Variants in ALPL observed in about 807,000 individuals in gnomAD.
ALPL encodes alkaline phosphatase, biomineralization associated.
ALPL carries 42 observed loss-of-function variants against 51.3 expected under a neutral mutation model. The ratio of observed to expected loss-of-function variants is 0.82; its 90% CI spans 0.64 to 1.06. The LOEUF (loss-of-function observed/expected upper bound fraction) is 1.06, where lower values mean the gene tolerates loss of function less well. ALPL is among the 50% of genes least tolerant of loss of function. The pLI, the probability that ALPL is intolerant of heterozygous loss-of-function variation, is 0.00. For missense variants in ALPL, 589 were observed against 709.4 expected, an observed-to-expected ratio of 0.83 and a Z score of 1.93; for synonymous variants, 279 against 296.4, an observed-to-expected ratio of 0.94 and a Z score of 0.60.
intron 2 of ALPL, among the ~76,000 whole-genome samples, chr1:21,558,380 C>G (rs1170857973): frequency 6.6e-6 from 1 of 151,250 alleles, no homozygotes; most frequent in Non-Finnish European, 1.5e-5. Flanking sequence ...ACCCAACTGG[C>G]CAAAGAGGCT....
intron 1 of ALPL, among the ~76,000 whole-genome samples, chr1:21,542,908 T>G (rs1430626341): frequency 1.3e-5 from 2 of 152,084 alleles, no homozygotes; most frequent in Non-Finnish European, 2.9e-5. Flanking sequence ...TCCAAGCATT[T>G]TGGGAGGCTG....
chr1:21,521,030 T>C (rs1643878167), intron 1 of ALPL, among the ~76,000 whole-genome samples: 1 of 152,170 alleles, frequency 6.6e-6, no homozygotes, highest in African/African-American at 2.4e-5. Flanking sequence ...TCATGGCTGT[T>C]TTTCTAGAGC....
chr1:21,573,535 C>T (rs1570297806), intron 8 of ALPL, 130 bp from the exon 9 acceptor site: 3 of 1,154,990 alleles, frequency 2.6e-6, no homozygotes, highest in East Asian at 5.2e-5. Context: ...AAGGATCCTC[C>T]CAGCCACCAT....
chr1:21,548,264 G>C (rs955262147), intron 1 of ALPL, among the ~76,000 whole-genome samples: 3 of 152,232 alleles, frequency 2.0e-5, no homozygotes, highest in African/African-American at 4.8e-5. Context: ...GCCTCTGCGA[G>C]GGGGAGGGGT....
chr1:21,565,363 C>G (rs774091425), intron 6 of ALPL, among the ~76,000 whole-genome samples: 1 of 152,180 alleles, frequency 6.6e-6, no homozygotes, highest in Non-Finnish European at 1.5e-5. Flanking sequence ...GGGGCGAGTT[C>G]CTTCCCCTCC....
rs371658562 is a variant in ALPL, at chr1:21,576,218, T to TGATGGATGGATG, written c.1190-279_1190-268dup. ...GATGGCTGGCTGGATGATGGATGGATGATGGATGGATGGATGGATGGATGG... is the reference window on the plus strand; with the variant it reads ...GATGGCTGGCTGGATGATGGATGGATGATGGATGGATGGATGGATGGATGGATGGATGGATGG... On this transcript the variant is annotated intron_variant, in intron 10 of 11. Coordinates refer to ENST00000374840, the MANE Select transcript of ALPL (RefSeq NM_000478.6). Among the ~76,000 whole-genome samples the TGATGGATGGATG allele has an allele frequency of 0.035, 4,952 of 141,752 alleles. 153 individuals carry two copies. The highest frequency in any genetic ancestry group is 0.043 in the Non-Finnish European group (2,769 of 63,710). The allele number at this position is 141,752 out of a possible 152,430, so 93.0% of individuals were successfully genotyped here.
At chr1:21,554,235 C>T in intron 2 of ALPL, 93 bp downstream of exon 2, 1 of 1,318,120 alleles carries the variant, frequency 7.6e-7, no homozygotes, top group Non-Finnish European at 1.1e-6. Flanking sequence ...CAGAACCATC[C>T]AAAGTATTTA....
intron 1 of ALPL, among the ~76,000 whole-genome samples, chr1:21,526,057 T>C (rs1045243535): frequency 6.6e-6 from 1 of 152,062 alleles, no homozygotes; most frequent in Non-Finnish European, 1.5e-5. Context: ...GAGCCCTAGG[T>C]GGTAGAGGAT....
intron 1 of ALPL, among the ~76,000 whole-genome samples, chr1:21,531,042 C>G (rs1644023240): frequency 6.7e-6 from 1 of 149,598 alleles, no homozygotes; most frequent in South Asian, 2.1e-4. Context: ...CAACCTCTGT[C>G]TCTCAGGTTC....
chr1:21,554,018 C>T lies in ALPL; in HGVS notation c.-64C>T. The T allele has an allele frequency of 6.0e-6, 6 of 1,007,350 alleles. No homozygotes were observed. The Admixed American group carries it at 8.6e-5, about 15-fold the overall frequency. 62.4% of individuals were successfully genotyped at this position (1,007,350 alleles called of 1,614,324 possible). ...TAACATCTGACCACTGCCAGCCCACCCCCTCCCACCCACGTCGATTGCATC... is the reference window on the plus strand; with the variant it reads ...TAACATCTGACCACTGCCAGCCCACTCCCTCCCACCCACGTCGATTGCATC... On this transcript the variant is annotated 5_prime_UTR_variant, in exon 2 of 12. Transcript: ENST00000374840.
In ALPL at chr1:21,509,796, A is replaced by T. The variant is rs1643646316; in HGVS notation, c.-105+279A>T. Reference sequence around the variant, plus strand: ...GCGAACTCAGGGGACCGCGCTCGGGACCGCCCTGCAGTCCCAGGGTCTCCT... The same window carrying T: ...GCGAACTCAGGGGACCGCGCTCGGGTCCGCCCTGCAGTCCCAGGGTCTCCT... On this transcript the variant is annotated intron_variant, in intron 1 of 11. Transcript: ENST00000374840. This position sits in a 1 kb window ranked among gnomAD's most constrained non-coding sequence, Gnocchi z 6.0. Among the ~76,000 whole-genome samples, 3 of 151,778 alleles carry T rather than the reference A, an allele frequency of 2.0e-5. No individual in the cohort carries two copies. The South Asian group carries it at 6.2e-4, about 31-fold the overall frequency.
chr1:21,522,364 G>C (rs1016571279), intron 1 of ALPL, among the ~76,000 whole-genome samples: 1 of 152,198 alleles, frequency 6.6e-6, no homozygotes, highest in Non-Finnish European at 1.5e-5. Flanking sequence ...GTGAGCCACT[G>C]CACCCGGCCA....
intron 1 of ALPL, among the ~76,000 whole-genome samples, chr1:21,538,565 C>T (rs183853058): frequency 1.3e-5 from 2 of 152,306 alleles, no homozygotes; most frequent in African/African-American, 2.4e-5. Flanking sequence ...CACAGCCCGG[C>T]GCCTCCTCAG....
intron 1 of ALPL, among the ~76,000 whole-genome samples, chr1:21,531,120 A>C (rs936970282): frequency 1.3e-5 from 2 of 151,746 alleles, no homozygotes; most frequent in Admixed American, 6.6e-5. Flanking sequence ...CACCCGGCTA[A>C]TTTTTGTATT....
chr1:21,524,711 C>G (rs1019850146), intron 1 of ALPL, among the ~76,000 whole-genome samples: 5 of 152,116 alleles, frequency 3.3e-5, no homozygotes, highest in African/African-American at 1.2e-4. Flanking sequence ...GGAGCCAGAT[C>G]TGGGGAGGGG....
At chr1:21,511,587 G>A (rs984316825) in intron 1 of ALPL, among the ~76,000 whole-genome samples, 24 of 152,206 alleles carry the variant, frequency 1.6e-4, no homozygotes, top group African/African-American at 5.3e-4. Flanking sequence ...TTCCCATCCT[G>A]TTGGGCTACA....
intron 10 of ALPL, among the ~76,000 whole-genome samples, chr1:21,576,275 ATGGATGGATG>A (rs1558557935): frequency 6.8e-6 from 1 of 147,264 alleles, no homozygotes; most frequent in African/African-American, 2.5e-5. Flanking sequence ...GGATGGGTGG[ATGGATGGATG>A]GGTGGATGGA....
chr1:21,576,221 TG>T (rs540803265), intron 10 of ALPL, among the ~76,000 whole-genome samples: 66 of 139,290 alleles, frequency 4.7e-4, no homozygotes, highest in Middle Eastern at 3.5e-3. Flanking sequence ...GGATGGATGA[TG>T]GATGGATGGA....
At chr1:21,515,205 G>A (rs1347545877) in intron 1 of ALPL, among the ~76,000 whole-genome samples, 1 of 152,154 alleles carries the variant, frequency 6.6e-6, no homozygotes, top group Non-Finnish European at 1.5e-5. Context: ...TTAGGTGGCT[G>A]AAGCAAATTG....
Sources: gnomAD v4.1 joint callset for allele counts (sites outside exome capture counted in the v4.1 genomes callset) on GRCh38, gnomAD v4.1.1 for gene constraint, Gnocchi (gnomAD v3.1) non-coding constraint, MANE v1.5 for transcripts, NCBI Gene and HGNC (gene_info 2026-07-23, HGNC 2026-07-21) for gene names.